The following PCDHA9 variants were observed in gnomAD, a reference collection of about 807,000 sequenced individuals.
PCDHA9 encodes the protein protocadherin alpha-9.
A neutral mutation model predicts 62.0 loss-of-function variants in PCDHA9; 62 were observed. The ratio of observed to expected loss-of-function variants is 1.00; its 90% CI spans 0.81 to 1.23. PCDHA9 has a LOEUF of 1.23. Ranked by LOEUF, PCDHA9 falls within the 50% of genes most tolerant of loss-of-function variation. The pLI, the probability that PCDHA9 is intolerant of heterozygous loss-of-function variation, is 0.00. For missense variants in PCDHA9, 1,205 were observed against 1,249.8 expected (o/e 0.96, Z 0.54); for synonymous variants, 557 against 567.6 (o/e 0.98, Z 0.27).
intron 1 of PCDHA9, among the ~76,000 whole-genome samples, chr5:140,892,004 T>A (rs562047314): frequency 6.6e-6 from 1 of 152,364 alleles, no homozygotes; most frequent in East Asian, 1.9e-4. Flanking sequence ...TGGCATTCTG[T>A]TATAGCAGCA....
At chr5:140,975,045 A>G (rs1249490997) in intron 1 of PCDHA9, among the ~76,000 whole-genome samples, 1 of 152,112 alleles carries the variant, frequency 6.6e-6, no homozygotes, top group Non-Finnish European at 1.5e-5. Context: ...GGCTCTTAGG[A>G]AGAATCTACT....
chr5:140,862,472 T>C (rs577275887), intron 1 of PCDHA9: 357 of 374,932 alleles, frequency 9.5e-4, no homozygotes, highest in Non-Finnish European at 1.4e-3. Context: ...AGAGCAAATC[T>C]ATCCATTGTT....
chr5:140,891,430 A>G (rs1422502424), intron 1 of PCDHA9, among the ~76,000 whole-genome samples: 1 of 141,772 alleles, frequency 7.1e-6, no homozygotes, highest in Non-Finnish European at 1.5e-5. Flanking sequence ...CCAAGTCCCC[A>G]ACGTCCATTG....
At chr5:140,872,797 C>T (rs2153276720) in intron 1 of PCDHA9, among the ~76,000 whole-genome samples, 1 of 152,196 alleles carries the variant, frequency 6.6e-6, no homozygotes, top group South Asian at 2.1e-4. Flanking sequence ...AGTTGGCATT[C>T]TTCCATAAGT....
chr5:140,970,293 T>C (rs2096396195), intron 1 of PCDHA9, among the ~76,000 whole-genome samples: 3 of 152,220 alleles, frequency 2.0e-5, no homozygotes, highest in Admixed American at 2.0e-4. Context: ...TTTCAAGTCC[T>C]TCATGTCTTT....
chr5:140,892,580 A>G (rs1462175198), intron 1 of PCDHA9, among the ~76,000 whole-genome samples: 1 of 152,198 alleles, frequency 6.6e-6, no homozygotes, highest in African/African-American at 2.4e-5. Context: ...AGTATATCTC[A>G]GTATTCATTC....
chr5:140,939,863 G>C (rs2092478768), intron 1 of PCDHA9, among the ~76,000 whole-genome samples: 1 of 152,064 alleles, frequency 6.6e-6, no homozygotes, highest in Non-Finnish European at 1.5e-5. Flanking sequence ...ATGTCCATTA[G>C]GTCATCTTTG....
chr5:140,993,293 A>G (rs1445204823), intron 3 of PCDHA9, among the ~76,000 whole-genome samples: 1 of 152,062 alleles, frequency 6.6e-6, no homozygotes, highest in African/African-American at 2.4e-5. Flanking sequence ...CAGGGTCACA[A>G]CCTTGCCTCC....
In PCDHA9 at chr5:140,849,420, G is replaced by A; in HGVS notation, c.925G>A (p.Asp309Asn). The change falls in exon 1 of 4, where the codon GAT (aspartate) becomes AAT (asparagine). Residue 309 changes from aspartate to asparagine, a missense_variant. Around this residue, in one of 3 missense-constraint regions of PCDHA9, gnomAD observed 110 missense variants for 227.2 expected, o/e 0.48. Coordinates refer to ENST00000532602, the MANE Select transcript of PCDHA9 (RefSeq NM_031857.2). ...SGAITVIGHM[D>N]FEESRAHKIP... ...GGCAATCACAGTGATAGGACATATG[G>A]ATTTTGAAGAAAGTAGAGCACACAA... 6.4e-7 allele frequency: 1 copy of A among 1,572,968 alleles called. No individual in the cohort carries two copies. Among genetic ancestry groups the A allele is most frequent in the Non-Finnish European group, 8.7e-7 (1 of 1,152,656 alleles).
intron 1 of PCDHA9, chr5:140,881,915 C>G (rs1431128063): frequency 1.7e-5 from 4 of 240,684 alleles, no homozygotes; most frequent in African/African-American, 8.9e-5. Flanking sequence ...AAATGTTGAG[C>G]AGAATGCAGT....
At chr5:140,878,274 C>A (rs1273765492) in intron 1 of PCDHA9, among the ~76,000 whole-genome samples, 2 of 152,092 alleles carry the variant, frequency 1.3e-5, no homozygotes, top group Non-Finnish European at 2.9e-5. Context: ...TTTAAAATAG[C>A]CTTCTTGATC....
intron 1 of PCDHA9, among the ~76,000 whole-genome samples, chr5:140,917,639 C>T (rs151007423): frequency 1.6e-4 from 25 of 152,268 alleles, no homozygotes; most frequent in African/African-American, 5.8e-4. Flanking sequence ...AGCTAGTTAT[C>T]CCAGCAATAT....
chr5:140,919,915 A>G (rs1306747919), intron 1 of PCDHA9, among the ~76,000 whole-genome samples: 1 of 152,202 alleles, frequency 6.6e-6, no homozygotes, highest in Non-Finnish European at 1.5e-5. Context: ...AAATTACCCT[A>G]AATTTTCAGG....
At chr5:140,976,724 T>C (rs372662527) in intron 1 of PCDHA9, among the ~76,000 whole-genome samples, 6 of 152,202 alleles carry the variant, frequency 3.9e-5, no homozygotes, top group African/African-American at 1.4e-4. Flanking sequence ...AGTTCATTTA[T>C]TTAAACACAT....
intron 1 of PCDHA9, chr5:140,882,507 A>G: frequency 6.2e-7 from 1 of 1,614,182 alleles, no homozygotes; most frequent in Non-Finnish European, 8.5e-7. Flanking sequence ...GTAAATCTGC[A>G]GAATGGCATT....
intron 1 of PCDHA9, among the ~76,000 whole-genome samples, chr5:140,953,598 T>C (rs1189793307): frequency 2.6e-5 from 4 of 152,188 alleles, no homozygotes; most frequent in South Asian, 2.1e-4. Context: ...CTTTTGTTTA[T>C]TCCCCAGAGT....
intron 1 of PCDHA9, among the ~76,000 whole-genome samples, chr5:140,977,050 G>A (rs546385020): frequency 6.6e-6 from 1 of 152,162 alleles, no homozygotes; most frequent in Non-Finnish European, 1.5e-5. Context: ...TGTTGCTGAT[G>A]GACTAGTATA....
At chr5:140,883,575 GGGCCAC>G (rs1239547262) in intron 1 of PCDHA9, 1 of 1,613,954 alleles carries the variant, frequency 6.2e-7, no homozygotes, top group African/African-American at 1.3e-5. Flanking sequence ...CCTTCGCTGT[GGGCCAC>G]GGCCAGCGTG....
At chr5:140,988,169 A>G (rs1384072642) in intron 3 of PCDHA9, among the ~76,000 whole-genome samples, 3 of 152,128 alleles carry the variant, frequency 2.0e-5, no homozygotes. Flanking sequence ...TGTCATAGCA[A>G]TGACAGTCCT....
Sources: allele counts gnomAD v4.1 joint callset (sites outside exome capture counted in the v4.1 genomes callset), GRCh38; gene constraint gnomAD v4.1.1; regional missense constraint gnomAD v4.1.1; transcripts MANE v1.5; gene names NCBI Gene and HGNC (gene_info 2026-07-23, HGNC 2026-07-21).